The following KMT5A variants were observed in gnomAD, a reference collection of about 807,000 sequenced individuals.
The protein encoded by KMT5A is lysine methyltransferase 5A, also known as N-lysine methyltransferase KMT5A.
A neutral mutation model predicts 40.6 loss-of-function variants in KMT5A; 6 were observed. The observed-to-expected ratio is 0.15, with a 90% confidence interval of 0.08 to 0.29. The LOEUF (loss-of-function observed/expected upper bound fraction) is 0.29. Among genes scored for constraint, KMT5A ranks in the 10% least tolerant of loss-of-function variants. The pLI is 1.00. For synonymous variants in KMT5A, 153 were observed against 178.8 expected, an observed-to-expected ratio of 0.86 and a Z score of 1.15; for missense variants, 308 against 459.1, an observed-to-expected ratio of 0.67 and a Z score of 3.01.
intron 5 of KMT5A, among the ~76,000 whole-genome samples, chr12:123,398,835 A>G (rs1373463730): frequency 1.3e-5 from 2 of 152,368 alleles, no homozygotes; most frequent in South Asian, 4.1e-4. Context: ...TGCTGGGCCC[A>G]GGCTGTGGAT....
intron 1 of KMT5A, among the ~76,000 whole-genome samples, chr12:123,385,358 T>C (rs897095428): frequency 4.6e-5 from 7 of 152,208 alleles, no homozygotes; most frequent in Non-Finnish European, 7.4e-5. Flanking sequence ...TATTTTTCCT[T>C]TGAAAAGTGT....
chr12:123,404,857 C>G (rs372154963), intron 6 of KMT5A, 27 bp from the exon 7 acceptor site: 1 of 1,599,002 alleles, frequency 6.3e-7, no homozygotes, highest in Non-Finnish European at 8.5e-7. Flanking sequence ...CTATTATGAA[C>G]CAACACCCTC....
In KMT5A at chr12:123,408,443, A is replaced by G. The variant is rs888419640; in HGVS notation, c.*740A>G. 110 of 152,138 alleles carry G rather than the reference A, an allele frequency of 7.2e-4. 1 individual carries two copies. The highest frequency in any genetic ancestry group is 1.2e-3 in the Admixed American group (19 of 15,274). 9.4% of individuals were successfully genotyped at this position (152,138 alleles called of 1,614,324 possible). ...TCCTGAAACTGGGTTAATTCTTTATAGAAATGTGAACACTGAATTTATTTT... is the reference window on the plus strand; with the variant it reads ...TCCTGAAACTGGGTTAATTCTTTATGGAAATGTGAACACTGAATTTATTTT... On this transcript the variant is annotated 3_prime_UTR_variant, in exon 8 of 8. Coordinates refer to ENST00000402868, the MANE Select transcript of KMT5A (RefSeq NM_020382.7).
At chr12:123,403,178 C>T (rs1878307442) in intron 5 of KMT5A, among the ~76,000 whole-genome samples, 1 of 152,288 alleles carries the variant, frequency 6.6e-6, no homozygotes, top group African/African-American at 2.4e-5. Context: ...GTTGCGATTA[C>T]AGGCGTGAGC....
At chr12:123,400,838 A>G (rs572131831) in intron 5 of KMT5A, among the ~76,000 whole-genome samples, 30 of 152,006 alleles carry the variant, frequency 2.0e-4, no homozygotes, top group African/African-American at 7.2e-4. Context: ...GTTTTGAGAC[A>G]AGGTCTCACT....
intron 3 of KMT5A, among the ~76,000 whole-genome samples, chr12:123,392,096 T>C (rs972903885): frequency 6.6e-6 from 1 of 152,104 alleles, no homozygotes; most frequent in Non-Finnish European, 1.5e-5. Flanking sequence ...CAGGACTGTT[T>C]TGAAGGGTGG....
In KMT5A at chr12:123,409,051, C is replaced by G. The variant is rs1183952074; in HGVS notation, c.*1348C>G. Reference sequence around the variant, plus strand: ...GCCATGACCTGGTGTCTCCTGCCCACCCTGGTCCCAGGTAAATGTGAATGG... The same window carrying G: ...GCCATGACCTGGTGTCTCCTGCCCAGCCTGGTCCCAGGTAAATGTGAATGG... On this transcript the variant is annotated 3_prime_UTR_variant, in exon 8 of 8. Transcript: ENST00000402868. 7 of 152,632 alleles carry G rather than the reference C, an allele frequency of 4.6e-5. No homozygotes were observed. Among genetic ancestry groups the G allele is most frequent in the Non-Finnish European group, 8.8e-5 (6 of 68,036 alleles). 9.5% of individuals were successfully genotyped at this position (152,632 alleles called of 1,614,324 possible).
chr12:123,403,067 G>T (rs1878297071), intron 5 of KMT5A, among the ~76,000 whole-genome samples: 3 of 152,142 alleles, frequency 2.0e-5, no homozygotes, highest in African/African-American at 7.2e-5. Context: ...TACCACACCT[G>T]GCTAATTTTT....
intron 1 of KMT5A, among the ~76,000 whole-genome samples, chr12:123,387,233 ATCT>A (rs1475535961): frequency 6.6e-6 from 1 of 152,200 alleles, no homozygotes; most frequent in Non-Finnish European, 1.5e-5. Flanking sequence ...CTGTATTTAC[ATCT>A]TCTAGGTACT....
intron 1 of KMT5A, among the ~76,000 whole-genome samples, chr12:123,385,664 C>T (rs927065511): frequency 2.0e-4 from 30 of 152,212 alleles, no homozygotes; most frequent in African/African-American, 7.2e-4. Context: ...CCAGTCTGAC[C>T]AACATGGAGA....
chr12:123,408,471 A>G lies in KMT5A; in HGVS notation c.*768A>G, dbSNP rs1878740681. 1 of 151,044 alleles carries G rather than the reference A, an allele frequency of 6.6e-6. No homozygotes were observed. Among genetic ancestry groups the G allele is most frequent in the Admixed American group, 6.6e-5 (1 of 15,204 alleles). 9.4% of individuals were successfully genotyped at this position (151,044 alleles called of 1,614,324 possible). A position where few individuals can be genotyped will look rare whatever the true frequency, so the allele number is the denominator to read the frequency against. ...AATGTGAACACTGAATTTATTTTAA[A>G]AAATAATAATAAAAATTTAAAAAAA... is the stretch of plus-strand genomic sequence containing the variant. On this transcript the variant is annotated 3_prime_UTR_variant, in exon 8 of 8. Transcript: ENST00000402868.
At position 123,384,203 on chromosome 12, in the gene KMT5A, C is replaced by T. The variant is rs1876726599; in HGVS notation, c.5C>T (p.Ala2Val). 2 of 1,613,654 alleles carry T rather than the reference C, an allele frequency of 1.2e-6. No homozygotes were observed. Among genetic ancestry groups the T allele is most frequent in the Non-Finnish European group, 1.7e-6 (2 of 1,179,752 alleles). M[A>V]RGRKMSKPRA... ...AGGCGGTGACAGAGTGGAGCCATGG[C>T]TAGAGGTATTTGCCCAAGTGGCCGG... Residue 2 changes from alanine to valine, a missense_variant, in exon 1 of 8, where the codon GCT becomes GTT. This residue lies in a region of KMT5A where 92 missense variants were observed against 78.3 expected (regional missense o/e 1.18). Transcript: ENST00000402868. The surrounding 1 kb of genome is among the most constrained non-coding windows in gnomAD (Gnocchi z 5.7).
rs1380138507 is a variant in KMT5A at position 123,403,294 on chromosome 12, A to G, written c.598-279A>G. Among the ~76,000 whole-genome samples the G allele has an allele frequency of 2.6e-5, 4 of 152,240 alleles. No homozygotes were observed. In the South Asian group the frequency reaches 8.3e-4, roughly 31 times the overall value. The stretch of plus-strand genomic sequence containing the variant: ...TAACGTGCTGCATGGGCAACAGAAC[A>G]TATCTACGAGCCCCATTCTGTTCTT... On this transcript the variant is annotated intron_variant, in intron 5 of 7. Transcript: ENST00000402868.
At chr12:123,402,276 G>A (rs907980167) in intron 5 of KMT5A, among the ~76,000 whole-genome samples, 1 of 152,228 alleles carries the variant, frequency 6.6e-6, no homozygotes, top group Non-Finnish European at 1.5e-5. Flanking sequence ...CAAGGGGGCC[G>A]GAGCGGGGCC....
At position 123,407,587 on chromosome 12, in the gene KMT5A, G is replaced by T. The variant is rs1878648199; in HGVS notation, c.943G>T (p.Val315Leu). ...AACCAAACTGCACGACATCGACGGC[G>T]TACCTCACCTCATCCTCATCGCCTC... ...CQTKLHDIDG[V>L]PHLILIASRD... Residue 315 changes from valine (V) to leucine (L), a missense_variant, in exon 8 of 8, where the codon GTA (valine) becomes TTA (leucine). Val to Leu is a conservative substitution (Grantham distance 32). Coordinates refer to ENST00000402868, the MANE Select transcript of KMT5A (RefSeq NM_020382.7). The T allele has an allele frequency of 6.2e-7, 1 of 1,613,724 alleles. No individual in the cohort carries two copies. Among genetic ancestry groups the T allele is most frequent in the South Asian group, 1.1e-5 (1 of 91,070 alleles).
intron 7 of KMT5A, among the ~76,000 whole-genome samples, chr12:123,406,168 T>G (rs950074322): frequency 6.6e-6 from 1 of 152,054 alleles, no homozygotes; most frequent in African/African-American, 2.4e-5. Context: ...TGTTATCTCA[T>G]CCAAGGGGAG....
rs1878809674 is a variant in KMT5A, at chr12:123,409,012, GC to G, written c.*1311del. The G allele has an allele frequency of 6.6e-6, 1 of 152,622 alleles. No individual in the cohort carries two copies. Among genetic ancestry groups the G allele is most frequent in the Admixed American group, 6.5e-5 (1 of 15,272 alleles). The allele number at this position is 152,622 out of a possible 1,614,324, so 9.5% of individuals were successfully genotyped here. Reference sequence around the variant, plus strand: ...ACACACTGTCCCTTCAGTCCAGGGGGCCGGGGCTCAGGAGCCATGACCTGGT... The same window carrying G: ...ACACACTGTCCCTTCAGTCCAGGGGGCGGGGCTCAGGAGCCATGACCTGGT... On this transcript the variant is annotated 3_prime_UTR_variant, in exon 8 of 8. Coordinates refer to ENST00000402868, the MANE Select transcript of KMT5A (RefSeq NM_020382.7).
intron 1 of KMT5A, chr12:123,388,389 A>C (rs945028167): frequency 6.6e-6 from 1 of 152,266 alleles, no homozygotes; most frequent in Non-Finnish European, 1.5e-5. Flanking sequence ...AGATAACGGC[A>C]AGAGACTCGC....
chr12:123,402,292 C>G (rs1050731853), intron 5 of KMT5A, among the ~76,000 whole-genome samples: 5 of 152,208 alleles, frequency 3.3e-5, no homozygotes, highest in Admixed American at 2.6e-4. Flanking sequence ...GGGCCGGGGC[C>G]GTGGCTGGGC....
Sources: gnomAD v4.1 joint callset for allele counts (sites outside exome capture counted in the v4.1 genomes callset) on GRCh38, gnomAD v4.1.1 for gene constraint, gnomAD v4.1.1 regional missense constraint, Gnocchi (gnomAD v3.1) non-coding constraint, MANE v1.5 for transcripts, NCBI Gene and HGNC (gene_info 2026-07-23, HGNC 2026-07-21) for gene names.